RUNX2: variants seen among roughly 807,000 people sequenced by gnomAD.
RUNX2 encodes the protein runt-related transcription factor 2.
Under a neutral mutation model 51.7 loss-of-function variants are expected in RUNX2, and 10 were observed. The ratio of observed to expected loss-of-function variants is 0.19; its 90% CI spans 0.12 to 0.33. The LOEUF is 0.33. Among genes scored for constraint, RUNX2 ranks in the 10% least tolerant of loss-of-function variants. The pLI, the probability that RUNX2 is intolerant of heterozygous loss-of-function variation, is 1.00. For missense variants in RUNX2, 562 were observed against 691.3 expected (o/e 0.81, Z 2.10); for synonymous variants, 276 against 273.6 (o/e 1.01, Z -0.09).
chr6:45,408,677 A>G (rs549622216), intron 2 of RUNX2, among the ~76,000 whole-genome samples: 1 of 152,068 alleles, frequency 6.6e-6, no homozygotes, highest in Admixed American at 6.6e-5. Context: ...GAAGGACTGC[A>G]GTATTTGAGT....
At chr6:45,490,105 A>C (rs971185982) in intron 5 of RUNX2, among the ~76,000 whole-genome samples, 2 of 152,198 alleles carry the variant, frequency 1.3e-5, no homozygotes, top group Non-Finnish European at 2.9e-5. Context: ...GCTAGTCGGC[A>C]GCCGAGGACC....
chr6:45,349,914 G>C (rs1791670315), intron 2 of RUNX2, among the ~76,000 whole-genome samples: 1 of 152,000 alleles, frequency 6.6e-6, no homozygotes, highest in Non-Finnish European at 1.5e-5. Flanking sequence ...CTTCAGAAAA[G>C]CTAATTTCAA....
intron 7 of RUNX2, among the ~76,000 whole-genome samples, chr6:45,533,552 T>C (rs1277123423): frequency 6.6e-6 from 1 of 152,212 alleles, no homozygotes; most frequent in East Asian, 1.9e-4. Flanking sequence ...GAGTTAATTC[T>C]GTGTGCAGGG....
chr6:45,546,843 C>G lies in RUNX2; in HGVS notation c.1104C>G (p.Gly368=). 1 of 1,613,870 alleles carries G rather than the reference C, an allele frequency of 6.2e-7. No individual in the cohort carries two copies. The highest frequency in any genetic ancestry group is 8.5e-7 in the Non-Finnish European group (1 of 1,179,878). ...AATTTTTAGGTGCTTCAGAACTGGG[C>G]CCTTTTTCAGACCCCAGGCAGTTCC... ...KKSQAGASEL[G]PFSDPRQFPS... is the part of the protein sequence containing the mutation. Residue 368 remains glycine, a synonymous_variant, in exon 9 of 9, where the codon GGC becomes GGG. Coordinates refer to ENST00000647337, the MANE Select transcript of RUNX2 (RefSeq NM_001024630.4).
chr6:45,375,213 TAA>T (rs2150325578), intron 2 of RUNX2, among the ~76,000 whole-genome samples: 1 of 152,182 alleles, frequency 6.6e-6, no homozygotes, highest in South Asian at 2.1e-4. Context: ...ATCTCAAAAA[TAA>T]TAAAGTATTT....
intron 3 of RUNX2, among the ~76,000 whole-genome samples, chr6:45,429,229 C>A (rs1414961079): frequency 6.6e-6 from 1 of 152,138 alleles, no homozygotes; most frequent in African/African-American, 2.4e-5. Context: ...TTGGTATATT[C>A]ATTCTCTTCT....
At chr6:45,414,496 G>A (rs553207375) in intron 2 of RUNX2, among the ~76,000 whole-genome samples, 4 of 152,196 alleles carry the variant, frequency 2.6e-5, no homozygotes, top group South Asian at 2.1e-4. Context: ...AAACTTGTAA[G>A]TCCGTCTAGT....
At chr6:45,358,405 A>T (rs555297042) in intron 2 of RUNX2, among the ~76,000 whole-genome samples, 6 of 152,316 alleles carry the variant, frequency 3.9e-5, no homozygotes, top group African/African-American at 1.4e-4. Flanking sequence ...AATTTCTATC[A>T]CTGTGGAAAG....
intron 5 of RUNX2, among the ~76,000 whole-genome samples, chr6:45,456,552 G>A (rs1238639114): frequency 6.6e-6 from 1 of 151,916 alleles, no homozygotes; most frequent in Admixed American, 6.6e-5. Flanking sequence ...TGTTTTATAG[G>A]TGCTCACAAG....
chr6:45,365,255 C>T, intron 2 of RUNX2: 2 of 1,612,570 alleles, frequency 1.2e-6, no homozygotes, highest in Non-Finnish European at 1.7e-6. Context: ...ACTCCTTCCA[C>T]TACTTGAAGT....
intron 7 of RUNX2, among the ~76,000 whole-genome samples, chr6:45,533,463 A>G (rs1177638494): frequency 6.6e-6 from 1 of 152,200 alleles, no homozygotes; most frequent in African/African-American, 2.4e-5. Context: ...AATTCTACAT[A>G]TTCTAAAATA....
At position 45,410,095 on chromosome 6, in the gene RUNX2, T is replaced by C. The variant is rs186671702; in HGVS notation, c.59-12498T>C. Among the ~76,000 whole-genome samples the C allele has an allele frequency of 5.3e-5, 8 of 152,352 alleles. 1 individual carries two copies. The East Asian group carries it at 1.4e-3, about 26-fold the overall frequency. On this transcript the variant is annotated intron_variant, in intron 2 of 8. Transcript: ENST00000647337. ...AAACTCTATACTCATAGTTCTGTAG[T>C]GATAACTTGGGAAGGCCAGGACATG...
rs116407810 is a variant in RUNX2, at chr6:45,428,530, C to T, written c.424-3333C>T. On this transcript the variant is annotated intron_variant, in intron 3 of 8. Coordinates refer to ENST00000647337, the MANE Select transcript of RUNX2 (RefSeq NM_001024630.4). ...AACAGGAAAGATTGTCACTACCTTG[C>T]ATTAGCATTTTTTTTCAGGTCTTGC... 3.8e-3 allele frequency among the ~76,000 whole-genome samples: 578 copies of T among 152,228 alleles called. 6 individuals carry two copies. The highest frequency in any genetic ancestry group is 4.2e-3 in the Non-Finnish European group (285 of 68,000).
intron 5 of RUNX2, among the ~76,000 whole-genome samples, chr6:45,482,875 C>T (rs76796373): frequency 1.1e-4 from 17 of 152,190 alleles, no homozygotes; most frequent in African/African-American, 2.9e-4. Flanking sequence ...TGATAAACGC[C>T]GAATCTTACG....
chr6:45,478,973 C>T (rs1314102668), intron 5 of RUNX2, among the ~76,000 whole-genome samples: 1 of 152,042 alleles, frequency 6.6e-6, no homozygotes, highest in East Asian at 1.9e-4. Context: ...CTGCAACCTC[C>T]ACCTCCTGGG....
chr6:45,352,256 T>C (rs374992222), intron 2 of RUNX2, among the ~76,000 whole-genome samples: 4 of 152,010 alleles, frequency 2.6e-5, no homozygotes, highest in African/African-American at 9.7e-5. Context: ...CCTTAGAAAA[T>C]ACAATAAAAA....
intron 5 of RUNX2, among the ~76,000 whole-genome samples, chr6:45,482,132 T>A (rs1045565038): frequency 6.6e-6 from 1 of 152,218 alleles, no homozygotes; most frequent in African/African-American, 2.4e-5. Flanking sequence ...GCTCTTTTTT[T>A]CCTGCCTGCA....
intron 2 of RUNX2, among the ~76,000 whole-genome samples, chr6:45,360,835 C>T (rs1794126231): frequency 6.6e-6 from 1 of 152,190 alleles, no homozygotes; most frequent in African/African-American, 2.4e-5. Flanking sequence ...GTAGCTTATC[C>T]TCAGAAGAGT....
chr6:45,354,121 G>A (rs994218238), intron 2 of RUNX2, among the ~76,000 whole-genome samples: 3 of 152,066 alleles, frequency 2.0e-5, no homozygotes, highest in African/African-American at 7.2e-5. Flanking sequence ...GGAAAAATTA[G>A]GAAGTTAGTA....
Sources: allele counts gnomAD v4.1 joint callset (sites outside exome capture counted in the v4.1 genomes callset), GRCh38; gene constraint gnomAD v4.1.1; transcripts MANE v1.5; gene names NCBI Gene and HGNC (gene_info 2026-07-23, HGNC 2026-07-21).